BMP5: variants seen among roughly 807,000 people sequenced by gnomAD.
BMP5 encodes bone morphogenetic protein 5.
In BMP5, 23 loss-of-function variants were observed where a neutral mutation model predicts 46.6. The observed-to-expected ratio is 0.49, with a 90% CI of 0.35 to 0.70. BMP5 has a LOEUF of 0.70. Ranked by LOEUF, BMP5 falls within the 30% of genes least tolerant of loss-of-function variation. BMP5 has a pLI of 0.00. For missense variants in BMP5, 545 were observed against 565.6 expected, an observed-to-expected ratio of 0.96 and a Z score of 0.37; for synonymous variants, 204 against 191.9, an observed-to-expected ratio of 1.06 and a Z score of -0.52.
intron 3 of BMP5, among the ~76,000 whole-genome samples, chr6:55,790,027 G>C (rs1049393825): frequency 2.0e-5 from 3 of 152,066 alleles, no homozygotes; most frequent in Non-Finnish European, 2.9e-5. Flanking sequence ...GCAGCCTTTT[G>C]ATTCCCAAAA....
chr6:55,773,519 G>T (rs2127520942), intron 4 of BMP5, among the ~76,000 whole-genome samples: 1 of 119,746 alleles, frequency 8.4e-6, no homozygotes, highest in South Asian at 2.8e-4. Context: ...GTGTGTGTGT[G>T]TGTGTGTGTA....
At chr6:55,812,423 A>AATTAT (rs1776157493) in intron 2 of BMP5, among the ~76,000 whole-genome samples, 1 of 152,218 alleles carries the variant, frequency 6.6e-6, no homozygotes, top group Non-Finnish European at 1.5e-5. Flanking sequence ...TGATTGCATA[A>AATTAT]CACTGTCAAA....
chr6:55,814,069 A>G (rs1159039610), intron 2 of BMP5, among the ~76,000 whole-genome samples: 1 of 152,106 alleles, frequency 6.6e-6, no homozygotes, highest in East Asian at 1.9e-4. Context: ...GTTTTCAGCT[A>G]TTATTCACAG....
rs954738642 is a variant in BMP5 at position 55,761,200 on chromosome 6, C to A, written c.1028-667G>T. Among the ~76,000 whole-genome samples the A allele has an allele frequency of 2.0e-5, 3 of 152,032 alleles. No homozygotes were observed. In the South Asian group the frequency reaches 6.2e-4, roughly 32 times the overall value. On this transcript the variant is annotated intron_variant, in intron 4 of 6. Transcript: ENST00000370830. ...ATCTCACACACTATCTTCAATAAGT[C>A]CAAAATGCACCTGCTCTCACGCCCT...
At chr6:55,796,233 T>A (rs953397967) in intron 2 of BMP5, among the ~76,000 whole-genome samples, 13 of 152,028 alleles carry the variant, frequency 8.6e-5, no homozygotes, top group East Asian at 1.9e-4. Flanking sequence ...CATAATGTCA[T>A]CCCTTGGCAT....
chr6:55,856,576 T>C (rs1267521599), intron 1 of BMP5, among the ~76,000 whole-genome samples: 2 of 152,154 alleles, frequency 1.3e-5, no homozygotes, highest in South Asian at 4.1e-4. Context: ...TTTTCTATTT[T>C]AGCCATTTTT....
chr6:55,815,012 A>G (rs547555738), intron 2 of BMP5, among the ~76,000 whole-genome samples: 1 of 151,990 alleles, frequency 6.6e-6, no homozygotes, highest in East Asian at 1.9e-4. Context: ...GGGTGCCTGT[A>G]GTCCCAGCTA....
chr6:55,780,558 A>G (rs1274200759), intron 3 of BMP5, among the ~76,000 whole-genome samples: 1 of 151,450 alleles, frequency 6.6e-6, no homozygotes, highest in Non-Finnish European at 1.5e-5. Flanking sequence ...TTTCTATATG[A>G]TTTGGGTATG....
intron 2 of BMP5, among the ~76,000 whole-genome samples, chr6:55,818,087 T>C (rs1285075398): frequency 1.3e-5 from 2 of 152,186 alleles, no homozygotes; most frequent in African/African-American, 2.4e-5. Context: ...CCCTTTTGTA[T>C]GTCAGGAATA....
rs138223966 is a variant in BMP5 at position 55,790,021 on chromosome 6, C to T, written c.832+4258G>A. Among the ~76,000 whole-genome samples the T allele has an allele frequency of 5.6e-3, 845 of 152,204 alleles. 8 individuals carry two copies. Among genetic ancestry groups the T allele is most frequent in the African/African-American group, 0.019 (806 of 41,550 alleles). ...AAAATGCTACTTTTGATTTCAGCAGCCTTTTGATTCCCAAAATATATTTAG... is the reference window on the plus strand; with the variant it reads ...AAAATGCTACTTTTGATTTCAGCAGTCTTTTGATTCCCAAAATATATTTAG... On this transcript the variant is annotated intron_variant, in intron 3 of 6. Coordinates refer to ENST00000370830, the MANE Select transcript of BMP5 (RefSeq NM_021073.4).
chr6:55,808,294 G>A (rs6928231), intron 2 of BMP5, among the ~76,000 whole-genome samples: 7,001 of 152,226 alleles, frequency 0.046, 538 homozygotes, highest in African/African-American at 0.16. Flanking sequence ...TGGCTGTGAG[G>A]GATACTTCTT....
At chr6:55,864,151 G>C (rs563930544) in intron 1 of BMP5, among the ~76,000 whole-genome samples, 28 of 152,038 alleles carry the variant, frequency 1.8e-4, no homozygotes, top group African/African-American at 5.1e-4. Context: ...ATGGTGGTTC[G>C]AATATATCAA....
At chr6:55,800,825 C>T (rs1009838010) in intron 2 of BMP5, among the ~76,000 whole-genome samples, 1 of 152,128 alleles carries the variant, frequency 6.6e-6, no homozygotes, top group African/African-American at 2.4e-5. Context: ...GTTCACTTAG[C>T]CAATAGGGGG....
intron 5 of BMP5, 54 bp from the exon 6 acceptor site, chr6:55,759,169 AAAAAAAAAAAAAAAC>A (rs1774696759): frequency 4.6e-6 from 4 of 860,822 alleles, no homozygotes; most frequent in African/African-American, 2.0e-5. Flanking sequence ...AAAAAAAAAA[AAAAAAAAAAAAAAAC>A]AACAAGAAAA....
intron 2 of BMP5, among the ~76,000 whole-genome samples, chr6:55,815,737 A>C (rs1776246065): frequency 6.6e-6 from 1 of 152,184 alleles, no homozygotes; most frequent in South Asian, 2.1e-4. Flanking sequence ...CAAAACTATG[A>C]AGTCACGTGA....
intron 1 of BMP5, 21 bp from the exon 2 acceptor site, chr6:55,819,868 G>A: frequency 6.2e-7 from 1 of 1,600,428 alleles, no homozygotes; most frequent in East Asian, 2.2e-5. Context: ...AAAGGGGGTT[G>A]AGGGGGAAAA....
intron 2 of BMP5, among the ~76,000 whole-genome samples, chr6:55,803,667 C>T (rs1775910911): frequency 6.6e-6 from 1 of 152,200 alleles, no homozygotes; most frequent in African/African-American, 2.4e-5. Flanking sequence ...GCTCCGTCAG[C>T]TTCTCCAAAT....
intron 2 of BMP5, among the ~76,000 whole-genome samples, chr6:55,819,170 C>T (rs964046045): frequency 6.6e-6 from 1 of 152,120 alleles, no homozygotes; most frequent in Non-Finnish European, 1.5e-5. Context: ...GACTATCTGT[C>T]CATTTTTGTA....
At chr6:55,780,695 G>A (rs1333300841) in intron 3 of BMP5, among the ~76,000 whole-genome samples, 1 of 152,022 alleles carries the variant, frequency 6.6e-6, no homozygotes, top group Non-Finnish European at 1.5e-5. Context: ...AAAAGAAACG[G>A]GATATTTGGT....
Sources: gnomAD v4.1 joint callset for allele counts (sites outside exome capture counted in the v4.1 genomes callset) on GRCh38, gnomAD v4.1.1 for gene constraint, MANE v1.5 for transcripts, NCBI Gene and HGNC (gene_info 2026-07-23, HGNC 2026-07-21) for gene names.